Variants in PALLD observed in about 807,000 individuals in gnomAD.
PALLD encodes palladin, cytoskeletal associated protein.
PALLD carries 61 observed loss-of-function variants against 123.5 expected under a neutral mutation model. The ratio of observed to expected loss-of-function variants is 0.49; its 90% CI spans 0.40 to 0.61. PALLD has a LOEUF of 0.61. PALLD is among the 20% of genes least tolerant of loss of function. The pLI, the probability that PALLD is intolerant of heterozygous loss-of-function variation, is 0.00. For missense variants in PALLD, 1,273 were observed against 1,377.0 expected (o/e 0.92, Z 1.20); for synonymous variants, 465 against 496.4 (o/e 0.94, Z 0.84).
chr4:168,786,312 G>A (rs1397165667), intron 10 of PALLD, among the ~76,000 whole-genome samples: 1 of 152,094 alleles, frequency 6.6e-6, no homozygotes, highest in Non-Finnish European at 1.5e-5. Flanking sequence ...TGGCAACAGA[G>A]TGAGACTCCG....
chr4:168,766,790 A>C (rs1161635530), intron 10 of PALLD, among the ~76,000 whole-genome samples: 1 of 152,194 alleles, frequency 6.6e-6, no homozygotes, highest in Non-Finnish European at 1.5e-5. Context: ...TTCTAGCAAT[A>C]ACATGGTCAT....
At chr4:168,553,085 A>G (rs1766909334) in intron 2 of PALLD, among the ~76,000 whole-genome samples, 1 of 152,180 alleles carries the variant, frequency 6.6e-6, no homozygotes, top group Non-Finnish European at 1.5e-5. Context: ...CTCTAGTGTC[A>G]TTGGCCCATT....
At chr4:168,925,422 G>T in intron 21 of PALLD, 144 bp downstream of exon 21, 1 of 719,478 alleles carries the variant, frequency 1.4e-6, no homozygotes. Flanking sequence ...ACATGTTCTT[G>T]TTACTGTGTT....
intron 8 of PALLD, among the ~76,000 whole-genome samples, chr4:168,704,701 T>A (rs1784063827): frequency 6.6e-6 from 1 of 151,492 alleles, no homozygotes; most frequent in Admixed American, 6.6e-5. Flanking sequence ...TATGTTGTAT[T>A]TGTATTACCT....
At chr4:168,550,960 C>A (rs1039523689) in intron 2 of PALLD, among the ~76,000 whole-genome samples, 2 of 152,196 alleles carry the variant, frequency 1.3e-5, no homozygotes, top group Non-Finnish European at 2.9e-5. Flanking sequence ...CCAACACTTA[C>A]GTAGCTTCTA....
chr4:168,792,580 A>G (rs1008646082), intron 10 of PALLD, among the ~76,000 whole-genome samples: 13 of 151,736 alleles, frequency 8.6e-5, no homozygotes, highest in African/African-American at 3.1e-4. Flanking sequence ...CCACTCGTCA[A>G]ACTTTCCCAC....
intron 2 of PALLD, among the ~76,000 whole-genome samples, chr4:168,593,072 A>G (rs1035068983): frequency 3.3e-5 from 5 of 152,192 alleles, no homozygotes; most frequent in Non-Finnish European, 5.9e-5. Flanking sequence ...TTCATAAAGT[A>G]TAACACACAG....
chr4:168,779,906 C>CTT (rs796344831), intron 10 of PALLD, among the ~76,000 whole-genome samples: 2 of 145,100 alleles, frequency 1.4e-5, no homozygotes, highest in Non-Finnish European at 3.0e-5. Context: ...ACTATACATT[C>CTT]TTTTTTTTTT....
chr4:168,535,986 G>A (rs10031379), intron 2 of PALLD, among the ~76,000 whole-genome samples: 44,377 of 152,032 alleles, frequency 0.29, 7,740 homozygotes, highest in African/African-American at 0.5. Flanking sequence ...CCTTGGTGCC[G>A]GTTAGAGACT....
intron 10 of PALLD, among the ~76,000 whole-genome samples, chr4:168,714,920 G>T (rs1785198477): frequency 6.8e-6 from 1 of 147,572 alleles, no homozygotes; most frequent in Non-Finnish European, 1.5e-5. Flanking sequence ...TGCGGGAAAA[G>T]AAAAAAAAAA....
At chr4:168,569,061 C>T (rs552189954) in intron 2 of PALLD, among the ~76,000 whole-genome samples, 12 of 152,208 alleles carry the variant, frequency 7.9e-5, no homozygotes, top group Non-Finnish European at 1.5e-4. Context: ...AAAATTCGGA[C>T]AGTGACAGAG....
chr4:168,814,720 T>C (rs1462247634), intron 10 of PALLD, among the ~76,000 whole-genome samples: 1 of 152,188 alleles, frequency 6.6e-6, no homozygotes, highest in Non-Finnish European at 1.5e-5. Context: ...TCTATAATTT[T>C]CTCAATTTAA....
At chr4:168,903,375 A>G (rs1756958354) in intron 14 of PALLD, among the ~76,000 whole-genome samples, 1 of 152,120 alleles carries the variant, frequency 6.6e-6, no homozygotes, top group South Asian at 2.1e-4. Flanking sequence ...TTGCTGGTAC[A>G]TTTGAAAAAA....
intron 10 of PALLD, among the ~76,000 whole-genome samples, chr4:168,731,495 C>T (rs182058445): frequency 1.3e-5 from 2 of 152,248 alleles, no homozygotes; most frequent in African/African-American, 4.8e-5. Flanking sequence ...AGTGTGGTCA[C>T]GTGAAATAAT....
rs568658711 is a variant in PALLD at position 168,676,646 on chromosome 4, C to T, written c.1088-4686C>T. ...TGTTGCCCAGGATGGAGTGTGGTGG[C>T]GTGATCTCGGCTCACTGCAAGCTCC... On this transcript the variant is annotated intron_variant, in intron 3 of 21. Transcript: ENST00000505667. 1.3e-3 allele frequency among the ~76,000 whole-genome samples: 190 copies of T among 151,444 alleles called. 2 individuals are homozygous for T. Among genetic ancestry groups the T allele is most frequent in the African/African-American group, 4.1e-3 (171 of 41,264 alleles).
At chr4:168,611,372 G>A (rs939779404) in intron 2 of PALLD, among the ~76,000 whole-genome samples, 4 of 152,130 alleles carry the variant, frequency 2.6e-5, no homozygotes, top group Non-Finnish European at 5.9e-5. Context: ...GAACTGAATC[G>A]ATTGTCTCTG....
chr4:168,604,364 A>C (rs1188562227), intron 2 of PALLD, among the ~76,000 whole-genome samples: 1 of 152,234 alleles, frequency 6.6e-6, no homozygotes, highest in Non-Finnish European at 1.5e-5. Context: ...GAAATGTCTC[A>C]ATTTATCTAT....
intron 10 of PALLD, among the ~76,000 whole-genome samples, chr4:168,795,579 C>T (rs1738372446): frequency 6.6e-6 from 1 of 152,124 alleles, no homozygotes. Context: ...TGAAAATCTT[C>T]CTGAGAAAAG....
At chr4:168,846,045 T>C (rs1746794239) in intron 10 of PALLD, among the ~76,000 whole-genome samples, 1 of 152,238 alleles carries the variant, frequency 6.6e-6, no homozygotes, top group Admixed American at 6.5e-5. Flanking sequence ...CTCTTTTTGC[T>C]ACTCTTCTGT....
Sources: gnomAD v4.1 joint callset for allele counts (sites outside exome capture counted in the v4.1 genomes callset) on GRCh38, gnomAD v4.1.1 for gene constraint, MANE v1.5 for transcripts, NCBI Gene and HGNC (gene_info 2026-07-23, HGNC 2026-07-21) for gene names.